Variants in ROBO2 observed in about 807,000 individuals in gnomAD.
ROBO2 encodes roundabout homolog 2.
A neutral mutation model predicts 160.8 loss-of-function variants in ROBO2; 53 were observed. The observed-to-expected ratio is 0.33, with a 90% CI of 0.26 to 0.41. The LOEUF is 0.41. Ranked by LOEUF, ROBO2 falls within the 10% of genes least tolerant of loss-of-function variation. The pLI is 1.00. For synonymous variants in ROBO2, 664 were observed against 611.7 expected (o/e 1.09, Z -1.26); for missense variants, 1,577 against 1,722.4 (o/e 0.92, Z 1.49).
intron 2 of ROBO2, among the ~76,000 whole-genome samples, chr3:75,962,583 A>G (rs1948958209): frequency 6.6e-6 from 1 of 151,784 alleles, no homozygotes; most frequent in South Asian, 2.1e-4. Flanking sequence ...TGCCTCCGAT[A>G]TAACTGGGCT....
At chr3:76,031,507 A>G (rs932961361) in intron 2 of ROBO2, among the ~76,000 whole-genome samples, 5 of 152,092 alleles carry the variant, frequency 3.3e-5, no homozygotes, top group Admixed American at 1.3e-4. Context: ...GTTTGTCATA[A>G]ATAGCTCTTA....
intron 2 of ROBO2, among the ~76,000 whole-genome samples, chr3:76,571,448 GACCTAGAGGTTTTTAT>G (rs530676968): frequency 8.6e-4 from 131 of 152,130 alleles, no homozygotes; most frequent in African/African-American, 3.0e-3. Flanking sequence ...GTAAATATGA[GACCTAGAGGTTTTTAT>G]ACCAAGATAC....
chr3:76,747,464 A>G (rs1391352637), intron 2 of ROBO2, among the ~76,000 whole-genome samples: 2 of 152,072 alleles, frequency 1.3e-5, no homozygotes, highest in Non-Finnish European at 2.9e-5. Context: ...AAATAAAAAT[A>G]TTTGACCAAA....
At chr3:76,395,396 C>T (rs940241220) in intron 2 of ROBO2, among the ~76,000 whole-genome samples, 114 of 148,694 alleles carry the variant, frequency 7.7e-4, no homozygotes, top group Admixed American at 2.0e-3. Context: ...AATTGACACC[C>T]TAACATCACA....
At chr3:77,502,811 A>G (rs1360281614) in intron 5 of ROBO2, among the ~76,000 whole-genome samples, 1 of 152,206 alleles carries the variant, frequency 6.6e-6, no homozygotes, top group Non-Finnish European at 1.5e-5. Flanking sequence ...ACATTATTTT[A>G]TATAAAGGAT....
intron 2 of ROBO2, among the ~76,000 whole-genome samples, chr3:76,824,879 G>A (rs548822931): frequency 4.6e-5 from 7 of 152,224 alleles, no homozygotes; most frequent in African/African-American, 1.4e-4. Context: ...CTGTGGCCTC[G>A]GGATAGTATA....
intron 2 of ROBO2, among the ~76,000 whole-genome samples, chr3:76,944,364 G>A (rs1423499238): frequency 6.6e-6 from 1 of 152,012 alleles, no homozygotes; most frequent in African/African-American, 2.4e-5. Flanking sequence ...AAAATAAACT[G>A]TTCTCAAACC....
intron 2 of ROBO2, among the ~76,000 whole-genome samples, chr3:76,861,120 C>T (rs1165377176): frequency 1.3e-5 from 2 of 152,130 alleles, no homozygotes; most frequent in African/African-American, 4.8e-5. Flanking sequence ...AATTTTGTCC[C>T]TTTCTCTGAC....
chr3:76,994,849 A>G (rs2060896760), intron 2 of ROBO2, among the ~76,000 whole-genome samples: 1 of 152,234 alleles, frequency 6.6e-6, no homozygotes. Context: ...ACAAGAAGCA[A>G]TATAATAAAA....
intron 2 of ROBO2, among the ~76,000 whole-genome samples, chr3:77,137,337 C>T (rs547355858): frequency 2.0e-4 from 31 of 152,270 alleles, no homozygotes; most frequent in African/African-American, 7.5e-4. Flanking sequence ...AGGGATTCCC[C>T]TGCCTCAGCC....
At chr3:77,385,946 A>G (rs2074054227) in intron 2 of ROBO2, among the ~76,000 whole-genome samples, 1 of 152,190 alleles carries the variant, frequency 6.6e-6, no homozygotes, top group African/African-American at 2.4e-5. Flanking sequence ...AACAATAGCA[A>G]CCACCACAAG....
chr3:76,732,997 G>A (rs13084922), intron 2 of ROBO2, among the ~76,000 whole-genome samples: 1 of 130,232 alleles, frequency 7.7e-6, no homozygotes, highest in African/African-American at 3.0e-5. Context: ...CTGGGGGTGG[G>A]GGGGGGAGGT....
chr3:76,924,706 G>A (rs964930242), intron 2 of ROBO2, among the ~76,000 whole-genome samples: 1 of 152,158 alleles, frequency 6.6e-6, no homozygotes, highest in African/African-American at 2.4e-5. Flanking sequence ...GCAGGCATTC[G>A]TGTAGTTCTG....
At chr3:76,043,529 T>A (rs1198324481) in intron 2 of ROBO2, among the ~76,000 whole-genome samples, 1 of 141,590 alleles carries the variant, frequency 7.1e-6, no homozygotes, top group Non-Finnish European at 1.5e-5. Flanking sequence ...GGAGAAGACC[T>A]AACATTGACT....
At chr3:77,585,292 A>G (rs2094017759) in intron 16 of ROBO2, among the ~76,000 whole-genome samples, 1 of 151,212 alleles carries the variant, frequency 6.6e-6, no homozygotes, top group Non-Finnish European at 1.5e-5. Context: ...AATTACAAGC[A>G]TACGATATAA....
intron 2 of ROBO2, among the ~76,000 whole-genome samples, chr3:77,415,387 T>C (rs1291445342): frequency 6.6e-6 from 1 of 152,128 alleles, no homozygotes; most frequent in African/African-American, 2.4e-5. Flanking sequence ...TGGAGAGAAA[T>C]GTAGTAGCTG....
intron 2 of ROBO2, among the ~76,000 whole-genome samples, chr3:77,347,166 G>T (rs1052265593): frequency 2.6e-5 from 4 of 152,038 alleles, no homozygotes; most frequent in African/African-American, 9.7e-5. Flanking sequence ...AGTGACACAA[G>T]GAATCATGGA....
At chr3:75,982,626 A>G (rs1160221138) in intron 2 of ROBO2, among the ~76,000 whole-genome samples, 1 of 151,520 alleles carries the variant, frequency 6.6e-6, no homozygotes, top group Non-Finnish European at 1.5e-5. Context: ...AGAAGAAAAT[A>G]AGTCCCAGGA....
At chr3:76,226,026 A>T (rs955412884) in intron 2 of ROBO2, among the ~76,000 whole-genome samples, 2 of 152,298 alleles carry the variant, frequency 1.3e-5, no homozygotes, top group East Asian at 3.9e-4. Context: ...ATAACAGTGC[A>T]TTTTTAATTT....
Sources: gnomAD v4.1 joint callset for allele counts (sites outside exome capture counted in the v4.1 genomes callset) on GRCh38, gnomAD v4.1.1 for gene constraint, MANE v1.5 for transcripts, NCBI Gene and HGNC (gene_info 2026-07-23, HGNC 2026-07-21) for gene names.